RIMBP2: variants seen among roughly 807,000 people sequenced by gnomAD.
RIMBP2 encodes RIMS binding protein 2.
RIMBP2 carries 48 observed loss-of-function variants against 118.6 expected under a neutral mutation model. The observed-to-expected ratio is 0.40, with a 90% CI of 0.32 to 0.51. The LOEUF (loss-of-function observed/expected upper bound fraction) is 0.51, where lower values mean the gene tolerates loss of function less well. RIMBP2 is among the 20% of genes least tolerant of loss of function. The pLI, the probability that RIMBP2 is intolerant of heterozygous loss-of-function variation, is 0.41. For synonymous variants in RIMBP2, 762 were observed against 742.9 expected (o/e 1.03, Z -0.42); for missense variants, 1,551 against 1,768.3 (o/e 0.88, Z 2.20).
chr12:130,588,654 C>T (rs973985268), intron 2 of RIMBP2, among the ~76,000 whole-genome samples: 1 of 152,212 alleles, frequency 6.6e-6, no homozygotes, highest in African/African-American at 2.4e-5. Context: ...AAAGCGAGTC[C>T]AATGCCATAT....
At chr12:130,615,925 C>T (rs1594052076) in intron 2 of RIMBP2, among the ~76,000 whole-genome samples, 2 of 152,212 alleles carry the variant, frequency 1.3e-5, no homozygotes, top group East Asian at 3.9e-4. Context: ...GGAGAAGTCC[C>T]CATACGCCTC....
chr12:130,429,782 G>C (rs1351477107), intron 14 of RIMBP2: 3 of 152,200 alleles, frequency 2.0e-5, no homozygotes, highest in Non-Finnish European at 4.4e-5. Flanking sequence ...CCGTGAGAGG[G>C]AGGACGGGAA....
Position 130,611,381 on chromosome 12 carries a change from C to T in RIMBP2, c.-217+16941G>A, listed in dbSNP as rs2060537668. ...TCTTTGAGCTACAGCCTCCATCAGA[C>T]AATACGTTGCAGGATATTGGGGGCC... is the stretch of plus-strand genomic sequence containing the variant. On this transcript the variant is annotated intron_variant, in intron 2 of 22. Transcript: ENST00000690449. 2.0e-5 allele frequency among the ~76,000 whole-genome samples: 3 copies of T among 152,250 alleles called. No individual in the cohort carries two copies. In the South Asian group the frequency reaches 6.2e-4, roughly 32 times the overall value.
rs2052735095 is a variant in RIMBP2, at chr12:130,525,940, G to A, written c.-216-8023C>T. Among the ~76,000 whole-genome samples, 1 of 152,086 alleles carries A rather than the reference G, an allele frequency of 6.6e-6. No homozygotes were observed. The highest frequency in any genetic ancestry group is 6.5e-5 in the Admixed American group (1 of 15,278). ...AGCAGCCTCCCCCGAGCATGTGGAG[G>A]GGTGGGACTCAAGCCCGGGCTGTGC... On this transcript the variant is annotated intron_variant, in intron 2 of 22. Coordinates refer to ENST00000690449, the MANE Select transcript of RIMBP2 (RefSeq NM_001393629.1). This position sits in a 1 kb window ranked among gnomAD's most constrained non-coding sequence, Gnocchi z 4.4.
At chr12:130,611,960 A>G (rs1264724666) in intron 2 of RIMBP2, among the ~76,000 whole-genome samples, 1 of 152,238 alleles carries the variant, frequency 6.6e-6, no homozygotes, top group Non-Finnish European at 1.5e-5. Flanking sequence ...TACCCGAAGC[A>G]GATACAATGC....
Position 130,621,395 on chromosome 12 carries a change from G to C in RIMBP2, c.-217+6927C>G, listed in dbSNP as rs1049420553. On this transcript the variant is annotated intron_variant, in intron 2 of 22. Transcript: ENST00000690449. The surrounding 1 kb of genome is among the most constrained non-coding windows in gnomAD (Gnocchi z 6.6). ...TAAGGGACTCTGATTAAAGACTGAC[G>C]CCAACACAGAGGAAAAGGATGGAGA... 6.6e-6 allele frequency among the ~76,000 whole-genome samples: 1 copy of C among 152,154 alleles called. No individual in the cohort carries two copies. Among genetic ancestry groups the C allele is most frequent in the Non-Finnish European group, 1.5e-5 (1 of 68,024 alleles).
chr12:130,435,763 T>G (rs888142342), intron 13 of RIMBP2, among the ~76,000 whole-genome samples: 2 of 152,248 alleles, frequency 1.3e-5, no homozygotes, highest in Non-Finnish European at 2.9e-5. Context: ...ACAGAAAATT[T>G]CCAGTTTTTC....
chr12:130,474,469 G>A (rs1033721338), intron 5 of RIMBP2, among the ~76,000 whole-genome samples: 1 of 152,158 alleles, frequency 6.6e-6, no homozygotes, highest in African/African-American at 2.4e-5. Context: ...CTACGAGTCC[G>A]ACGCGCCTTT....
intron 2 of RIMBP2, among the ~76,000 whole-genome samples, chr12:130,555,464 T>C (rs776813247): frequency 1.2e-4 from 19 of 152,160 alleles, no homozygotes; most frequent in Non-Finnish European, 2.5e-4. Flanking sequence ...TTATTCCACT[T>C]AATGAACTCA....
chr12:130,500,907 C>T (rs1410413047), intron 4 of RIMBP2, among the ~76,000 whole-genome samples: 2 of 152,124 alleles, frequency 1.3e-5, no homozygotes, highest in African/African-American at 2.4e-5. Context: ...CTCTACCACA[C>T]GCGTCATCTA....
intron 15 of RIMBP2, chr12:130,425,666 C>T (rs149324403): frequency 0.012 from 1,790 of 152,720 alleles, 18 homozygotes; most frequent in Middle Eastern, 0.024. Flanking sequence ...TCACTCTCTG[C>T]CGGGGACAGC....
Position 130,424,260 on chromosome 12 carries a change from C to G in RIMBP2, c.3011G>C (p.Gly1004Ala), listed in dbSNP as rs550473790. The change falls in exon 16 of 23, where the codon GGC (glycine) becomes GCC (alanine). Residue 1004 changes from glycine (G) to alanine (A), a missense_variant. Physicochemically the swap from Gly to Ala is moderately conservative, Grantham distance 60 (BLOSUM62 0). Coordinates refer to ENST00000690449, the MANE Select transcript of RIMBP2 (RefSeq NM_001393629.1). This position sits in a 1 kb window ranked among gnomAD's most constrained non-coding sequence, Gnocchi z 9.8. ...AAAATCTTGGTGCTCGGTGGGCTCGCCCCAGCCGTGCTTCCTGGGGGGCGG... is the reference window on the plus strand; with the variant it reads ...AAAATCTTGGTGCTCGGTGGGCTCGGCCCAGCCGTGCTTCCTGGGGGGCGG... ...ERPPPRKHGW[G>A]EPTEHQDFRG... 1.8e-5 allele frequency: 22 copies of G among 1,231,832 alleles called. No homozygotes were observed. The highest frequency in any genetic ancestry group is 2.2e-5 in the Non-Finnish European group (22 of 987,892). 76.3% of individuals were successfully genotyped at this position (1,231,832 alleles called of 1,614,324 possible). A position where few individuals can be genotyped will look rare whatever the true frequency, so the allele number is the denominator to read the frequency against.
intron 2 of RIMBP2, among the ~76,000 whole-genome samples, chr12:130,564,692 C>T (rs868742636): frequency 6.4e-4 from 98 of 152,238 alleles, no homozygotes; most frequent in African/African-American, 2.2e-3. Flanking sequence ...TATATAAGGC[C>T]TCTAAACAGT....
intron 2 of RIMBP2, among the ~76,000 whole-genome samples, chr12:130,591,830 G>A (rs1443971746): frequency 6.6e-6 from 1 of 152,182 alleles, no homozygotes; most frequent in East Asian, 1.9e-4. Context: ...ACATATTTGG[G>A]AAGCCACCAT....
chr12:130,545,694 G>A (rs12320988), intron 2 of RIMBP2, among the ~76,000 whole-genome samples: 43,945 of 152,080 alleles, frequency 0.29, 7,839 homozygotes, highest in Non-Finnish European at 0.39. Context: ...CGAGTGTCAC[G>A]TCTGGGGAGG....
chr12:130,501,575 G>A (rs1198745810), intron 4 of RIMBP2, among the ~76,000 whole-genome samples: 1 of 152,194 alleles, frequency 6.6e-6, no homozygotes, highest in Admixed American at 6.5e-5. Context: ...TTCCATGTCA[G>A]TGACCCAGCC....
At chr12:130,408,061 A>T (rs1401344400) in intron 19 of RIMBP2, among the ~76,000 whole-genome samples, 1 of 152,164 alleles carries the variant, frequency 6.6e-6, no homozygotes, top group Admixed American at 6.5e-5. Context: ...TTAGACTAAC[A>T]TGAACCTTTT....
intron 19 of RIMBP2, among the ~76,000 whole-genome samples, chr12:130,409,332 C>CTTTTTTTTTTT (rs35015661): frequency 3.1e-5 from 2 of 65,402 alleles, no homozygotes; most frequent in Non-Finnish European, 5.8e-5. Context: ...CAAAATGTAG[C>CTTTTTTTTTTT]TTTTTTTTTT....
rs914772577 is a variant in RIMBP2, at chr12:130,620,343, C to T, written c.-217+7979G>A. 2.6e-5 allele frequency among the ~76,000 whole-genome samples: 4 copies of T among 152,218 alleles called. No individual in the cohort carries two copies. The highest frequency in any genetic ancestry group is 9.6e-5 in the African/African-American group (4 of 41,472). On this transcript the variant is annotated intron_variant, in intron 2 of 22. Transcript: ENST00000690449. This position sits in a 1 kb window ranked among gnomAD's most constrained non-coding sequence, Gnocchi z 5.3. ...GGGTCATCCTGCAGCTCTCCTCCTC[C>T]CTGAGGCTCCCAATCCCTGATGCTT...
Sources: gnomAD v4.1 joint callset for allele counts (sites outside exome capture counted in the v4.1 genomes callset) on GRCh38, gnomAD v4.1.1 for gene constraint, Gnocchi (gnomAD v3.1) non-coding constraint, MANE v1.5 for transcripts, NCBI Gene and HGNC (gene_info 2026-07-23, HGNC 2026-07-21) for gene names.